AMPD2: variants seen among roughly 807,000 people sequenced by gnomAD.
AMPD2 encodes adenosine monophosphate deaminase 2, also known as AMP deaminase 2.
In AMPD2, 52 loss-of-function variants were observed where a neutral mutation model predicts 91.3. The observed-to-expected ratio is 0.57, with a 90% CI of 0.46 to 0.72. The LOEUF (loss-of-function observed/expected upper bound fraction) is 0.72, where lower values mean the gene tolerates loss of function less well. Among genes scored for constraint, AMPD2 ranks in the 30% least tolerant of loss-of-function variants. AMPD2 has a pLI of 0.00. For synonymous variants in AMPD2, 455 were observed against 456.4 expected, an observed-to-expected ratio of 1.00 and a Z score of 0.04; for missense variants, 822 against 1,122.3, an observed-to-expected ratio of 0.73 and a Z score of 3.82.
chr1:109,629,494 C>T lies in AMPD2; in HGVS notation c.1862+4C>T, dbSNP rs1271267298. The T allele has an allele frequency of 6.2e-6, 10 of 1,612,292 alleles. No individual in the cohort carries two copies. In the Admixed American group the frequency reaches 1.0e-4, roughly 16 times the overall value. ...CCATGTTGAACCACCTGCGCAGGTG[C>T]CTGCACCACCCTGTGTCTGCTTGCT... On this transcript the variant is annotated splice_donor_region_variant and intron_variant, in intron 15 of 18. Coordinates refer to ENST00000528667, the MANE Select transcript of AMPD2 (RefSeq NM_001368809.2).
At chr1:109,622,271 C>T (rs1650331647) in intron 2 of AMPD2, 1 of 456,190 alleles carries the variant, frequency 2.2e-6, no homozygotes, top group African/African-American at 2.0e-5. Flanking sequence ...CTGGGTGGGG[C>T]CCTTCCTGGC....
In AMPD2 at chr1:109,628,168, A is replaced by C; in HGVS notation, c.1166A>C (p.Glu389Ala). 6.2e-7 allele frequency: 1 copy of C among 1,614,100 alleles called. No individual in the cohort carries two copies. The highest frequency in any genetic ancestry group is 8.5e-7 in the Non-Finnish European group (1 of 1,180,040). ...FIKRAMKRHL[E>A]EIVHVEQGRE... is the part of the protein sequence containing the mutation. ...AAGCGGGCAATGAAGCGGCACCTGG[A>C]GGAGATCGTGCACGTGGAGCAGGGC... Residue 389 changes from glutamate (E) to alanine (A), a missense_variant, in exon 11 of 19, where the codon GAG becomes GCG. Physicochemically the swap from Glu to Ala is moderately radical, Grantham distance 107 (BLOSUM62 -1). This residue lies in a region of AMPD2 where 430 missense variants were observed against 606.0 expected (regional missense o/e 0.71). Coordinates refer to ENST00000528667, the MANE Select transcript of AMPD2 (RefSeq NM_001368809.2). The surrounding 1 kb of genome is among the most constrained non-coding windows in gnomAD (Gnocchi z 7.1).
In AMPD2 at chr1:109,620,997, G is replaced by A. The variant is rs1278306545; in HGVS notation, c.-179G>A. 1 of 1,562,280 alleles carries A rather than the reference G, an allele frequency of 6.4e-7. No individual in the cohort carries two copies. The highest frequency in any genetic ancestry group is 2.2e-4 in the Middle Eastern group (1 of 4,456). On this transcript the variant is annotated 5_prime_UTR_variant, in exon 2 of 19. Coordinates refer to ENST00000528667, the MANE Select transcript of AMPD2 (RefSeq NM_001368809.2). Reference sequence around the variant, plus strand: ...GGCAGAGATGGAGGCCCCACTCCCCGAGGTTGCCTAGACAACATGAGAAAT... The same window carrying A: ...GGCAGAGATGGAGGCCCCACTCCCCAAGGTTGCCTAGACAACATGAGAAAT...
rs758064430 is a variant in AMPD2 at position 109,627,873 on chromosome 1, G to C, written c.1050G>C (p.Val350=). Residue 350 remains valine (V), a synonymous_variant, in exon 10 of 19, where the codon GTG becomes GTC. Transcript: ENST00000528667. ...EMKELAAQKK[V]PHRDFYNIRK... is the part of the protein sequence containing the mutation. ...AGGAGCTGGCCGCCCAGAAGAAAGT[G>C]CCACACCGAGATTTCTACAACATCC... The C allele has an allele frequency of 6.2e-7, 1 of 1,613,972 alleles. No homozygotes were observed. The highest frequency in any genetic ancestry group is 1.7e-5 in the Admixed American group (1 of 59,990).
Position 109,620,255 on chromosome 1 carries a change from G to C in AMPD2, c.-286G>C. 2.5e-6 allele frequency: 4 copies of C among 1,614,080 alleles called. No individual in the cohort carries two copies. Among genetic ancestry groups the C allele is most frequent in the Non-Finnish European group, 3.4e-6 (4 of 1,179,964 alleles). On this transcript the variant is annotated 5_prime_UTR_variant, in exon 1 of 19. Coordinates refer to ENST00000528667, the MANE Select transcript of AMPD2 (RefSeq NM_001368809.2). ...GACTTCTCGTGGGCAGCCTCCCCTCGGAACTCGGGCATCATGGCCTCAGGT... is the reference window on the plus strand; with the variant it reads ...GACTTCTCGTGGGCAGCCTCCCCTCCGAACTCGGGCATCATGGCCTCAGGT...
At chr1:109,630,182 G>C (rs375545573) in intron 16 of AMPD2, 51 bp from the exon 17 acceptor site, 10 of 1,598,638 alleles carry the variant, frequency 6.3e-6, no homozygotes, top group South Asian at 1.1e-5. Flanking sequence ...ACTGTGCCCT[G>C]CCCAGCCTCG....
At position 109,620,013 on chromosome 1, in the gene AMPD2, C is replaced by G; in HGVS notation, c.-528C>G. The G allele has an allele frequency of 1.9e-6, 1 of 535,108 alleles. No homozygotes were observed. Among genetic ancestry groups the G allele is most frequent in the South Asian group, 2.0e-5 (1 of 50,136 alleles). 33.1% of individuals were successfully genotyped at this position (535,108 alleles called of 1,614,324 possible). On this transcript the variant is annotated 5_prime_UTR_variant, in exon 1 of 19. Coordinates refer to ENST00000528667, the MANE Select transcript of AMPD2 (RefSeq NM_001368809.2). ...GGGAGCACGTGGCCTACCAGCCTCTCGATTGCAGGGTTGGGTGGTCGCGAC... is the reference window on the plus strand; with the variant it reads ...GGGAGCACGTGGCCTACCAGCCTCTGGATTGCAGGGTTGGGTGGTCGCGAC...
Position 109,620,146 on chromosome 1 carries a change from G to A in AMPD2, c.-395G>A, listed in dbSNP as rs1327313982. On this transcript the variant is annotated 5_prime_UTR_variant, in exon 1 of 19. Transcript: ENST00000528667. ...CTTACTTTCCCCATCTCAGTGCCAG[G>A]GCAGGGGCCCTTGGAGTGACTTGGC... 4.3e-6 allele frequency: 6 copies of A among 1,380,698 alleles called. No individual in the cohort carries two copies. The African/African-American group carries it at 7.1e-5, about 16-fold the overall frequency. The allele number at this position is 1,380,698 out of a possible 1,614,324, so 85.5% of individuals were successfully genotyped here. A position where few individuals can be genotyped will look rare whatever the true frequency, so the allele number is the denominator to read the frequency against.
intron 1 of AMPD2, 136 bp from the exon 2 acceptor site, chr1:109,620,778 G>T: frequency 7.7e-7 from 1 of 1,300,674 alleles, no homozygotes; most frequent in Non-Finnish European, 9.8e-7. Flanking sequence ...GGAAGGACCA[G>T]CTAGCCTGGA....
In AMPD2 at chr1:109,620,899, C is replaced by A; in HGVS notation, c.-262-15C>A. On this transcript the variant is annotated splice_polypyrimidine_tract_variant and intron_variant, in intron 1 of 18. Transcript: ENST00000528667. The stretch of plus-strand genomic sequence containing the variant: ...CATCTTCTTTTCTACCCACCCCCTC[C>A]CCGCCCCCCGCCAGGCCCAGCCACC... 6.9e-7 allele frequency: 1 copy of A among 1,453,550 alleles called. No individual in the cohort carries two copies. Among genetic ancestry groups the A allele is most frequent in the Non-Finnish European group, 9.1e-7 (1 of 1,099,926 alleles). 90.0% of individuals were successfully genotyped at this position (1,453,550 alleles called of 1,614,324 possible).
intron 2 of AMPD2, chr1:109,622,393 AC>A (rs1349018170): frequency 2.4e-6 from 1 of 422,046 alleles, no homozygotes; most frequent in Non-Finnish European, 4.8e-6. Flanking sequence ...AGCCGTGGAC[AC>A]CCCTGTGCCT....
At position 109,631,418 on chromosome 1, in the gene AMPD2, G is replaced by C. The variant is rs896277454; in HGVS notation, c.*266G>C. 3 of 548,356 alleles carry C rather than the reference G, an allele frequency of 5.5e-6. No homozygotes were observed. The East Asian group carries it at 9.6e-5, about 18-fold the overall frequency. 34.0% of individuals were successfully genotyped at this position (548,356 alleles called of 1,614,324 possible). On this transcript the variant is annotated 3_prime_UTR_variant, in exon 19 of 19. Transcript: ENST00000528667. ...TGGCCCTGTCCTGGGATCCTCAGAA[G>C]CCTGACTGTCCTATGGGCTTCTCCA...
chr1:109,630,992 G>A lies in AMPD2; in HGVS notation c.2318G>A (p.Gly773Glu). 6.2e-7 allele frequency: 1 copy of A among 1,614,188 alleles called. No homozygotes were observed. The highest frequency in any genetic ancestry group is 1.1e-5 in the South Asian group (1 of 91,092). The change falls in exon 19 of 19, where the codon GGG (glycine) becomes GAG (glutamate). Residue 773 changes from glycine to glutamate, a missense_variant. By Grantham distance (98) the Gly-to-Glu change is moderately conservative (BLOSUM62 -2). Coordinates refer to ENST00000528667, the MANE Select transcript of AMPD2 (RefSeq NM_001368809.2). ...AACTATACCAAGGAAGGCCCTGAGG[G>A]GAATGACATCCGCCGGACCAATGTG... Reference protein sequence around the residue: ...GPNYTKEGPEGNDIRRTNVPD... With the variant: ...GPNYTKEGPEENDIRRTNVPD...
Position 109,628,595 on chromosome 1 carries a change from CTCTGACTCAGCTCACCTCATG to C in AMPD2, c.1408-23_1408-3del, listed in dbSNP as rs756924516. 126 of 1,610,348 alleles carry C rather than the reference CTCTGACTCAGCTCACCTCATG, an allele frequency of 7.8e-5. No individual in the cohort carries two copies. Among genetic ancestry groups the C allele is most frequent in the Middle Eastern group, 3.3e-4 (2 of 6,042 alleles). On this transcript the variant is annotated intron_variant, in intron 12 of 18. Transcript: ENST00000528667. This position sits in a 1 kb window ranked among gnomAD's most constrained non-coding sequence, Gnocchi z 7.1. ...GGTAGGCAGATGACCCCCTGAAGAG[CTCTGACTCAGCTCACCTCATG>C]TCTGACTCAGCTCACCTCATGTCTA...
chr1:109,620,757 C>T lies in AMPD2; in HGVS notation c.-262-157C>T, dbSNP rs1177000815. The T allele has an allele frequency of 7.9e-6, 10 of 1,271,186 alleles. No homozygotes were observed. The East Asian group carries it at 2.8e-4, about 36-fold the overall frequency. 78.7% of individuals were successfully genotyped at this position (1,271,186 alleles called of 1,614,324 possible). On this transcript the variant is annotated intron_variant, in intron 1 of 18. Coordinates refer to ENST00000528667, the MANE Select transcript of AMPD2 (RefSeq NM_001368809.2). ...TTCCTGTTTGTTATTCTTTTTTCTTCCAGGCTAGCTGGAAGGACCAGCTAG... is the reference window on the plus strand; with the variant it reads ...TTCCTGTTTGTTATTCTTTTTTCTTTCAGGCTAGCTGGAAGGACCAGCTAG...
Position 109,629,473 on chromosome 1 carries a change from G to A in AMPD2, c.1845G>A (p.Met615Ile). ...ACTACACCTTTGCCAACATGGCCAT[G>A]TTGAACCACCTGCGCAGGTGCCTGC... The part of the protein sequence containing the change: ...YLYYTFANMA[M>I]LNHLRRQRGF... The change falls in exon 15 of 19, where the codon ATG becomes ATA. Residue 615 changes from methionine (M) to isoleucine (I), a missense_variant. By Grantham distance (10) the Met-to-Ile change is conservative. Transcript: ENST00000528667. The A allele has an allele frequency of 6.2e-7, 1 of 1,614,004 alleles. No individual in the cohort carries two copies.
chr1:109,629,581 T>C (rs867168110), intron 15 of AMPD2, 91 bp downstream of exon 15: 2 of 1,530,816 alleles, frequency 1.3e-6, no homozygotes, highest in African/African-American at 1.4e-5. Flanking sequence ...ACTAGACCTC[T>C]GACCCACCTG....
chr1:109,630,364 C>A lies in AMPD2; in HGVS notation c.2115C>A (p.Val705=). The part of the protein sequence containing the change: ...LPEYLSRGLM[V]SLSTDDPLQF... ...AGTACCTGTCCCGCGGCCTCATGGT[C>A]TCCCTGTCCACTGATGATCCCTTGC... Residue 705 remains valine, a synonymous_variant, in exon 17 of 19, where the codon GTC becomes GTA. Transcript: ENST00000528667. 1 of 1,613,902 alleles carries A rather than the reference C, an allele frequency of 6.2e-7. No individual in the cohort carries two copies. Among genetic ancestry groups the A allele is most frequent in the South Asian group, 1.1e-5 (1 of 91,070 alleles).
intron 17 of AMPD2, 59 bp downstream of exon 17, chr1:109,630,465 GTT>G: frequency 7.2e-7 from 1 of 1,381,486 alleles, no homozygotes; most frequent in Non-Finnish European, 9.9e-7. Flanking sequence ...GGTCTCCCGG[GTT>G]GGGTGGGGGG....
Sources: allele counts gnomAD v4.1 joint callset, GRCh38; gene constraint gnomAD v4.1.1; regional missense constraint gnomAD v4.1.1; non-coding constraint Gnocchi (gnomAD v3.1); transcripts MANE v1.5; gene names NCBI Gene and HGNC (gene_info 2026-07-23, HGNC 2026-07-21).